VPS16: variants seen among roughly 807,000 people sequenced by gnomAD.
VPS16 encodes VPS16 core subunit of CORVET and HOPS complexes, also known as vacuolar protein sorting-associated protein 16 homolog.
In VPS16, 82 loss-of-function variants were observed where a neutral mutation model predicts 116.0. The observed-to-expected ratio is 0.71, with a 90% CI of 0.59 to 0.85. VPS16 has a LOEUF of 0.85. VPS16 is among the 40% of genes least tolerant of loss of function. The pLI is 0.00. For synonymous variants in VPS16, 406 were observed against 420.7 expected (o/e 0.96, Z 0.43); for missense variants, 928 against 1,090.6 (o/e 0.85, Z 2.10).
Position 2,862,808 on chromosome 20 carries a change from C to A in VPS16, c.1205C>A (p.Ala402Asp). 1 of 1,613,962 alleles carries A rather than the reference C, an allele frequency of 6.2e-7. No individual in the cohort carries two copies. Among genetic ancestry groups the A allele is most frequent in the Non-Finnish European group, 8.5e-7 (1 of 1,180,008 alleles). The change falls in exon 13 of 24, where the codon GCC becomes GAC. Residue 402 changes from alanine to aspartate, a missense_variant and splice_region_variant. Physicochemically the swap from Ala to Asp is moderately radical, Grantham distance 126 (BLOSUM62 -2). Coordinates refer to ENST00000380445, the MANE Select transcript of VPS16 (RefSeq NM_022575.4). ...CTATCGCCCTCTGGCTCTTCTCAGG[C>A]CGCCTCCTTCGGAAAGTGTTTCCTG... ...QPDMQKSLLRAASFGKCFLDR... is the reference protein window; with the variant it reads ...QPDMQKSLLRDASFGKCFLDR...
In VPS16 at chr20:2,861,748, G is replaced by T. The variant is rs760602125; in HGVS notation, c.899+44G>T. On this transcript the variant is annotated intron_variant, in intron 9 of 23. Transcript: ENST00000380445. ...CTGTGTGTGGAGAGAGGGGAGGGGA[G>T]GGTTCACCTGCCCCGTCCCATCTGT... 1.9e-6 allele frequency: 3 copies of T among 1,609,868 alleles called. No homozygotes were observed. The Admixed American group carries it at 5.0e-5, about 27-fold the overall frequency.
Position 2,860,856 on chromosome 20 carries a change from C to T in VPS16, c.623C>T (p.Ser208Phe). ...DLYLLDHAAC[S>F]AVTPPGLAPG... ...TACCTCTTGGACCATGCAGCCTGCTCCGCAGTGGTAAGGGCCCTGAGTGGG... is the reference window on the plus strand; with the variant it reads ...TACCTCTTGGACCATGCAGCCTGCTTCGCAGTGGTAAGGGCCCTGAGTGGG... Residue 208 changes from serine to phenylalanine, a missense_variant, in exon 6 of 24, where the codon TCC (serine) becomes TTC (phenylalanine). Ser to Phe is a radical substitution (Grantham distance 155, BLOSUM62 -2). Transcript: ENST00000380445. This position sits in a 1 kb window ranked among gnomAD's most constrained non-coding sequence, Gnocchi z 6.1. The T allele has an allele frequency of 6.2e-7, 1 of 1,614,108 alleles. No homozygotes were observed. Among genetic ancestry groups the T allele is most frequent in the Non-Finnish European group, 8.5e-7 (1 of 1,180,044 alleles).
At chr20:2,847,320 C>T (rs2089070151) in intron 1 of VPS16, among the ~76,000 whole-genome samples, 1 of 152,098 alleles carries the variant, frequency 6.6e-6, no homozygotes, top group Non-Finnish European at 1.5e-5. Flanking sequence ...CTCTTGCCAC[C>T]TTCTAGGGAG....
Position 2,859,722 on chromosome 20 carries a change from A to G in VPS16, c.57A>G (p.Lys19=). The G allele has an allele frequency of 6.2e-7, 1 of 1,613,702 alleles. No individual in the cohort carries two copies. The highest frequency in any genetic ancestry group is 8.5e-7 in the Non-Finnish European group (1 of 1,179,822). Residue 19 remains lysine, a synonymous_variant, in exon 2 of 24, where the codon AAA becomes AAG. Coordinates refer to ENST00000380445, the MANE Select transcript of VPS16 (RefSeq NM_022575.4). ...NPLGDSAFYR[K]YELYSMDWDL... is the part of the protein sequence containing the mutation. ...CTGCTCATCTCTGTGTGGGCAGGAA[A>G]TATGAGCTGTACAGCATGGACTGGG...
At chr20:2,856,721 A>G (rs1007577982) in intron 1 of VPS16, among the ~76,000 whole-genome samples, 2 of 152,204 alleles carry the variant, frequency 1.3e-5, no homozygotes, top group African/African-American at 4.8e-5. Flanking sequence ...GTCTCGTTTC[A>G]AGTATCAATT....
In VPS16 at chr20:2,861,212, C is replaced by G; in HGVS notation, c.754-13C>G. 6.2e-7 allele frequency: 1 copy of G among 1,614,190 alleles called. No homozygotes were observed. The highest frequency in any genetic ancestry group is 2.2e-5 in the East Asian group (1 of 44,878). ...GCTGGGACAGGGCCATGACATTGCCCACACCATTTCAGGAGAAGCTATGTG... is the reference window on the plus strand; with the variant it reads ...GCTGGGACAGGGCCATGACATTGCCGACACCATTTCAGGAGAAGCTATGTG... On this transcript the variant is annotated splice_polypyrimidine_tract_variant and intron_variant, in intron 7 of 23. Transcript: ENST00000380445.
chr20:2,853,875 G>A (rs2089146047), intron 1 of VPS16, among the ~76,000 whole-genome samples: 1 of 151,872 alleles, frequency 6.6e-6, no homozygotes, highest in Non-Finnish European at 1.5e-5. Flanking sequence ...GTTTCACCGT[G>A]TTGGCCAGGC....
intron 1 of VPS16, 129 bp downstream of exon 1, chr20:2,840,956 G>A: frequency 1.1e-6 from 1 of 887,350 alleles, no homozygotes; most frequent in Non-Finnish European, 1.7e-6. Flanking sequence ...CTCCCCGAGC[G>A]TCTGCCACTT....
chr20:2,853,656 A>G (rs961229828), intron 1 of VPS16, among the ~76,000 whole-genome samples: 3 of 152,138 alleles, frequency 2.0e-5, no homozygotes, highest in Non-Finnish European at 2.9e-5. Flanking sequence ...CTCATGAATC[A>G]TAAGAGTATT....
rs2089221145 is a variant in VPS16 at position 2,860,933 on chromosome 20, AT to A, written c.631-36del. ...AATAGGGAGGTTCTGAAAAGTCAGT[AT>A]GTATCTGTCCCACCCCTACCCTGGC... On this transcript the variant is annotated intron_variant, in intron 6 of 23. Transcript: ENST00000380445. The surrounding 1 kb of genome is among the most constrained non-coding windows in gnomAD (Gnocchi z 6.1). The A allele has an allele frequency of 1.2e-6, 2 of 1,614,016 alleles. No homozygotes were observed. Among genetic ancestry groups the A allele is most frequent in the Non-Finnish European group, 1.7e-6 (2 of 1,180,042 alleles).
In VPS16 at chr20:2,863,065, A is replaced by G. The variant is rs777310653; in HGVS notation, c.1332A>G (p.Gln444=). 1.2e-6 allele frequency: 2 copies of G among 1,614,088 alleles called. No individual in the cohort carries two copies. The highest frequency in any genetic ancestry group is 1.7e-5 in the Admixed American group (1 of 60,026). ...YHIGIPLTYS[Q]YKQLTIQVLL... ...GGATCCTTAACCGAGGAAAATACAG[A>G]TATAAGCAGCTCACCATCCAGGTGC... is the stretch of plus-strand genomic sequence containing the variant. Residue 444 remains glutamine, a splice_region_variant and synonymous_variant, in exon 14 of 24, where the codon CAA becomes CAG. Transcript: ENST00000380445. The surrounding 1 kb of genome is among the most constrained non-coding windows in gnomAD (Gnocchi z 4.4).
Position 2,860,875 on chromosome 20 carries a change from G to C in VPS16, c.630+12G>C. Reference sequence around the variant, plus strand: ...CCTGCTCCGCAGTGGTAAGGGCCCTGAGTGGGAATGAAGTGGACGGGCTGG... The same window carrying C: ...CCTGCTCCGCAGTGGTAAGGGCCCTCAGTGGGAATGAAGTGGACGGGCTGG... On this transcript the variant is annotated intron_variant, in intron 6 of 23. Transcript: ENST00000380445. This position sits in a 1 kb window ranked among gnomAD's most constrained non-coding sequence, Gnocchi z 6.1. 6.2e-7 allele frequency: 1 copy of C among 1,614,118 alleles called. No individual in the cohort carries two copies. The highest frequency in any genetic ancestry group is 2.2e-5 in the East Asian group (1 of 44,890).
Position 2,860,204 on chromosome 20 carries a change from C to G in VPS16, c.241-35C>G. On this transcript the variant is annotated intron_variant, in intron 3 of 23. Coordinates refer to ENST00000380445, the MANE Select transcript of VPS16 (RefSeq NM_022575.4). The surrounding 1 kb of genome is among the most constrained non-coding windows in gnomAD (Gnocchi z 6.1). ...TCAGGGCTGGACAGGGTTTCCTCAC[C>G]TGAGGACAGCCTTAGGAACCTCTCT... 1.9e-6 allele frequency: 3 copies of G among 1,613,966 alleles called. No homozygotes were observed. Among genetic ancestry groups the G allele is most frequent in the Non-Finnish European group, 2.5e-6 (3 of 1,180,004 alleles).
rs117270313 is a variant in VPS16 at position 2,861,171 on chromosome 20, G to A, written c.754-54G>A. On this transcript the variant is annotated intron_variant, in intron 7 of 23. Coordinates refer to ENST00000380445, the MANE Select transcript of VPS16 (RefSeq NM_022575.4). Reference sequence around the variant, plus strand: ...TTTTGGTGATGCGGGAGGGCTTTTCGACTAGAATGGTGACTGCTGGGACAG... The same window carrying A: ...TTTTGGTGATGCGGGAGGGCTTTTCAACTAGAATGGTGACTGCTGGGACAG... The A allele has an allele frequency of 2.8e-3, 4,580 of 1,614,106 alleles. 51 individuals carry two copies. The highest frequency in any genetic ancestry group is 0.024 in the South Asian group (2,147 of 91,038).
chr20:2,858,815 T>C (rs1368736513), intron 1 of VPS16, among the ~76,000 whole-genome samples: 1 of 152,166 alleles, frequency 6.6e-6, no homozygotes, highest in East Asian at 1.9e-4. Flanking sequence ...GTGATTTGGT[T>C]GCCTGCCATA....
chr20:2,861,744 G>T (rs149480592), intron 9 of VPS16, 40 bp downstream of exon 9: 1 of 1,611,222 alleles, frequency 6.2e-7, no homozygotes, highest in Non-Finnish European at 8.5e-7. Flanking sequence ...GAGAGGGGAG[G>T]GGAGGGTTCA....
intron 1 of VPS16, among the ~76,000 whole-genome samples, chr20:2,846,565 A>G (rs530777939): frequency 1.9e-4 from 29 of 152,300 alleles, no homozygotes; most frequent in Admixed American, 8.5e-4. Context: ...TTAGTAGTAT[A>G]TGTTTTTGAG....
At chr20:2,843,937 C>T (rs1005458297) in intron 1 of VPS16, among the ~76,000 whole-genome samples, 9 of 152,168 alleles carry the variant, frequency 5.9e-5, no homozygotes, top group African/African-American at 2.2e-4. Flanking sequence ...ATGTACTAAA[C>T]ATGCTAAGTA....
intron 1 of VPS16, among the ~76,000 whole-genome samples, chr20:2,844,471 C>T (rs1369718380): frequency 6.6e-6 from 1 of 152,086 alleles, no homozygotes; most frequent in Non-Finnish European, 1.5e-5. Context: ...GCAACTTGGG[C>T]TAATCTAATT....
Sources: allele counts gnomAD v4.1 joint callset (sites outside exome capture counted in the v4.1 genomes callset), GRCh38; gene constraint gnomAD v4.1.1; non-coding constraint Gnocchi (gnomAD v3.1); transcripts MANE v1.5; gene names NCBI Gene and HGNC (gene_info 2026-07-23, HGNC 2026-07-21).